Variants in PKD1L1 observed in about 807,000 individuals in gnomAD.
PKD1L1 encodes the protein polycystin 1 like 1, transient receptor potential channel interacting, also known as polycystin-1-like protein 1.
Under a neutral mutation model 323.4 loss-of-function variants are expected in PKD1L1, and 236 were observed. That is an observed-to-expected ratio of 0.73 (90% CI 0.66 to 0.81). PKD1L1 has a LOEUF of 0.81. PKD1L1 is among the 40% of genes least tolerant of loss of function. The pLI is 0.00. For missense variants in PKD1L1, 3,320 were observed against 3,508.0 expected (o/e 0.95, Z 1.35); for synonymous variants, 1,344 against 1,335.0 (o/e 1.01, Z -0.15).
intron 54 of PKD1L1, among the ~76,000 whole-genome samples, chr7:47,798,108 T>G (rs1054732769): frequency 6.6e-6 from 1 of 152,122 alleles, no homozygotes; most frequent in Non-Finnish European, 1.5e-5. Flanking sequence ...TAAAACATAT[T>G]GAAAGGCAAA....
At chr7:47,872,947 T>C (rs957863458) in intron 24 of PKD1L1, among the ~76,000 whole-genome samples, 1 of 148,024 alleles carries the variant, frequency 6.8e-6, no homozygotes, top group Non-Finnish European at 1.5e-5. Flanking sequence ...AAATAAAATA[T>C]GATATGTTCA....
At chr7:47,785,752 T>A (rs1786791944) in intron 56 of PKD1L1, among the ~76,000 whole-genome samples, 1 of 151,550 alleles carries the variant, frequency 6.6e-6, no homozygotes, top group African/African-American at 2.4e-5. Context: ...TTCTTTTTTT[T>A]TTTTTTTGAG....
At chr7:47,782,813 G>A (rs1427171379) in intron 56 of PKD1L1, among the ~76,000 whole-genome samples, 1 of 152,118 alleles carries the variant, frequency 6.6e-6, no homozygotes, top group African/African-American at 2.4e-5. Flanking sequence ...TAATTGTCAA[G>A]CCTTTCAACT....
chr7:47,800,854 G>A lies in PKD1L1; in HGVS notation c.7988C>T (p.Ala2663Val). The A allele has an allele frequency of 6.2e-7, 1 of 1,614,030 alleles. No homozygotes were observed. The highest frequency in any genetic ancestry group is 1.1e-5 in the South Asian group (1 of 91,078). ...AGLVGALMLA[A>V]LSHLHRFLLS... Reference sequence around the variant, plus strand: ...CAGAAATCGGTGCAGGTGGGAGAGGGCGGCCAGCATCAGTGCCCCCACCAG... The same window carrying A: ...CAGAAATCGGTGCAGGTGGGAGAGGACGGCCAGCATCAGTGCCCCCACCAG... Residue 2663 changes from alanine to valine, a missense_variant, in exon 54 of 57, where the codon GCC becomes GTC. Transcript: ENST00000289672.
intron 34 of PKD1L1, among the ~76,000 whole-genome samples, chr7:47,841,933 G>A (rs1056661885): frequency 6.6e-6 from 1 of 152,148 alleles, no homozygotes; most frequent in African/African-American, 2.4e-5. Flanking sequence ...GAGTGAAGAT[G>A]CTTCTTCATT....
intron 56 of PKD1L1, among the ~76,000 whole-genome samples, chr7:47,784,473 T>G (rs1786763417): frequency 1.3e-5 from 2 of 152,118 alleles, no homozygotes; most frequent in Non-Finnish European, 2.9e-5. Context: ...AGTAATACAA[T>G]AGCTTCTTTT....
chr7:47,801,740 G>A (rs1182191783), intron 53 of PKD1L1, among the ~76,000 whole-genome samples: 1 of 152,208 alleles, frequency 6.6e-6, no homozygotes, highest in Non-Finnish European at 1.5e-5. Context: ...TCAGAAGAAA[G>A]AAAGCACAAT....
the PKD1L1 span, among the ~76,000 whole-genome samples, chr7:47,958,810 C>A: frequency 6.8e-6 from 1 of 147,598 alleles, no homozygotes; most frequent in African/African-American, 2.6e-5. Context: ...CCTCTCCCCA[C>A]GGTCTCCCTC....
chr7:47,810,934 G>C (rs907470315), intron 50 of PKD1L1, among the ~76,000 whole-genome samples: 1 of 152,138 alleles, frequency 6.6e-6, no homozygotes, highest in African/African-American at 2.4e-5. Flanking sequence ...AGGTTAACTG[G>C]GGCTCTGGTC....
At chr7:47,801,205 TG>T (rs1270090315) in intron 53 of PKD1L1, among the ~76,000 whole-genome samples, 11 of 152,164 alleles carry the variant, frequency 7.2e-5, no homozygotes, top group Admixed American at 2.6e-4. Flanking sequence ...CCCTGGCCTT[TG>T]GCCCCCTTAG....
In PKD1L1 at chr7:47,827,337, A is replaced by G. The variant is rs2128734245; in HGVS notation, c.6854+13T>C. ...GAGTGGAGCAAGCCCTCCCGACAGA[A>G]GCCGCCACCCACCTCAGGGCAGCCC... On this transcript the variant is annotated intron_variant, in intron 45 of 56. Coordinates refer to ENST00000289672, the MANE Select transcript of PKD1L1 (RefSeq NM_138295.5). 3 of 1,595,304 alleles carry G rather than the reference A, an allele frequency of 1.9e-6. No homozygotes were observed. Among genetic ancestry groups the G allele is most frequent in the Middle Eastern group, 1.7e-4 (1 of 5,846 alleles).
chr7:47,855,197 T>TA lies in PKD1L1; in HGVS notation c.4658dup (p.Arg1554LysfsTer16). On this transcript the variant is annotated frameshift_variant, in exon 29 of 57. Coordinates refer to ENST00000289672, the MANE Select transcript of PKD1L1 (RefSeq NM_138295.5). LOFTEE classifies it high-confidence loss of function. ...CAAACTCGACCATCACGGGTTTCCT[T>TA]AGCCATTGCCTGTTGATGGGTCTTC... The TA allele has an allele frequency of 1.2e-6, 2 of 1,614,194 alleles. No homozygotes were observed. Among genetic ancestry groups the TA allele is most frequent in the Non-Finnish European group, 1.7e-6 (2 of 1,180,028 alleles).
chr7:47,862,511 T>C (rs1167554716), intron 26 of PKD1L1, among the ~76,000 whole-genome samples: 1 of 152,160 alleles, frequency 6.6e-6, no homozygotes, highest in Non-Finnish European at 1.5e-5. Context: ...GGAAGATCCC[T>C]GGTATCATGG....
chr7:47,882,279 A>G (rs1002169318), intron 19 of PKD1L1, among the ~76,000 whole-genome samples, 194 bp from the exon 20 acceptor site: 12 of 130,944 alleles, frequency 9.2e-5, no homozygotes, highest in Non-Finnish European at 1.7e-4. Context: ...GTCCAAAGGC[A>G]TCTTCCCTCC....
At chr7:47,810,608 T>C (rs982054413) in intron 50 of PKD1L1, among the ~76,000 whole-genome samples, 3 of 152,202 alleles carry the variant, frequency 2.0e-5, no homozygotes, top group African/African-American at 7.2e-5. Flanking sequence ...GAACAGTCCC[T>C]AGAGTCTAAA....
At chr7:47,837,238 G>C (rs1785479115) in intron 36 of PKD1L1, 144 bp from the exon 37 acceptor site, 3 of 925,334 alleles carry the variant, frequency 3.2e-6, no homozygotes, top group Admixed American at 4.5e-5. Flanking sequence ...GTACCAGGTG[G>C]GCTGTGGTGC....
At position 47,844,988 on chromosome 7, in the gene PKD1L1, A is replaced by G; in HGVS notation, c.5237+7T>C. 5 of 1,610,228 alleles carry G rather than the reference A, an allele frequency of 3.1e-6. No homozygotes were observed. The highest frequency in any genetic ancestry group is 4.2e-6 in the Non-Finnish European group (5 of 1,176,964). ...TATGAAGTCTTTATGTAGGAAATGG[A>G]ACTTACCTCTGTAGCTTGGAAATGT... is the stretch of plus-strand genomic sequence containing the variant. On this transcript the variant is annotated splice_region_variant and intron_variant, in intron 33 of 56. Transcript: ENST00000289672.
intron 48 of PKD1L1, chr7:47,813,564 T>C (rs2128730122): frequency 1.5e-6 from 1 of 674,410 alleles, no homozygotes; most frequent in Non-Finnish European, 2.7e-6. Flanking sequence ...CATCATGAGA[T>C]GCCAGGTAAA....
At position 47,788,790 on chromosome 7, in the gene PKD1L1, GT is replaced by G. The variant is rs571858237; in HGVS notation, c.8526+3836del. On this transcript the variant is annotated intron_variant, in intron 56 of 56. Coordinates refer to ENST00000289672, the MANE Select transcript of PKD1L1 (RefSeq NM_138295.5). ...TGTTTTGTATTTTTAGTAGAGATGG[GT>G]TTTCACCGTGTGAGCCAGGATGGTC... is the stretch of plus-strand genomic sequence containing the variant. Among the ~76,000 whole-genome samples, 461 of 150,588 alleles carry G rather than the reference GT, an allele frequency of 3.1e-3. 3 individuals are homozygous for G. Among genetic ancestry groups the G allele is most frequent in the Non-Finnish European group, 5.0e-3 (339 of 67,770 alleles).
Sources: allele counts gnomAD v4.1 joint callset (sites outside exome capture counted in the v4.1 genomes callset), GRCh38; gene constraint gnomAD v4.1.1; transcripts MANE v1.5; gene names NCBI Gene and HGNC (gene_info 2026-07-23, HGNC 2026-07-21).